MC2R: variants seen among roughly 807,000 people sequenced by gnomAD.
MC2R encodes melanocortin 2 receptor, also known as adrenocorticotropic hormone receptor.
Under a neutral mutation model 9.8 loss-of-function variants are expected in MC2R, and 9 were observed. The observed-to-expected ratio is 0.92, with a 90% CI of 0.55 to 1.60. The LOEUF (loss-of-function observed/expected upper bound fraction) is 1.60. MC2R is among the 40% of genes most tolerant of loss of function. The pLI is 0.00. For synonymous variants in MC2R, 185 were observed against 154.7 expected (o/e 1.20, Z -1.45); for missense variants, 370 against 389.0 (o/e 0.95, Z 0.41).
At chr18:13,915,301 C>CCTT (rs1294892152) in intron 1 of MC2R, among the ~76,000 whole-genome samples, 187 bp downstream of exon 1, 2 of 152,088 alleles carry the variant, frequency 1.3e-5, no homozygotes, top group Non-Finnish European at 2.9e-5. Context: ...AAGGTAATAG[C>CCTT]CTTCATTGTA....
rs2045258757 is a variant in MC2R at position 13,884,467 on chromosome 18, T to C, written c.*158A>G. Reference sequence around the variant, plus strand: ...TGCCCCTACAATAAGACTGTTCACATAGAACCTAGCTATTAGAAACACTAG... The same window carrying C: ...TGCCCCTACAATAAGACTGTTCACACAGAACCTAGCTATTAGAAACACTAG... On this transcript the variant is annotated 3_prime_UTR_variant, in exon 2 of 2. Coordinates refer to ENST00000327606, the MANE Select transcript of MC2R (RefSeq NM_000529.2). 3.8e-6 allele frequency: 3 copies of C among 795,960 alleles called. No individual in the cohort carries two copies. Among genetic ancestry groups the C allele is most frequent in the South Asian group, 3.0e-5 (2 of 67,774 alleles). The allele number at this position is 795,960 out of a possible 1,614,324, so 49.3% of individuals were successfully genotyped here.
rs934407793 is a variant in MC2R, at chr18:13,886,777, A to G, written c.-128-1131T>C. Among the ~76,000 whole-genome samples the G allele has an allele frequency of 2.6e-5, 4 of 152,222 alleles. No homozygotes were observed. The Middle Eastern group carries it at 0.01, about 388-fold the overall frequency. On this transcript the variant is annotated intron_variant, in intron 1 of 1. Transcript: ENST00000327606. ...GGAAAGCCAGCACCACGTGGCGAGG[A>G]AGACACTTCCTAGGGAGGACAAATT...
At chr18:13,891,730 C>T (rs1567897892) in intron 1 of MC2R, among the ~76,000 whole-genome samples, 1 of 152,158 alleles carries the variant, frequency 6.6e-6, no homozygotes, top group Non-Finnish European at 1.5e-5. Flanking sequence ...CACTGCCATT[C>T]CTGCAGGCTC....
chr18:13,904,388 A>C (rs2045399359), intron 1 of MC2R, among the ~76,000 whole-genome samples: 1 of 151,746 alleles, frequency 6.6e-6, no homozygotes, highest in Admixed American at 6.6e-5. Context: ...CTCAAAAAAA[A>C]AAAAAAAAAA....
At chr18:13,905,630 A>G (rs1342531240) in intron 1 of MC2R, among the ~76,000 whole-genome samples, 1 of 152,172 alleles carries the variant, frequency 6.6e-6, no homozygotes, top group Non-Finnish European at 1.5e-5. Flanking sequence ...AAATAGGAAC[A>G]CTTTTACACT....
chr18:13,903,000 G>A (rs1194479170), intron 1 of MC2R, among the ~76,000 whole-genome samples: 2 of 152,044 alleles, frequency 1.3e-5, no homozygotes, highest in Non-Finnish European at 2.9e-5. Flanking sequence ...ACAGGATAAA[G>A]TCTAATAATC....
intron 1 of MC2R, among the ~76,000 whole-genome samples, chr18:13,906,064 C>A (rs1278868693): frequency 6.6e-6 from 1 of 151,964 alleles, no homozygotes; most frequent in East Asian, 1.9e-4. Flanking sequence ...CAGAGTAAGA[C>A]CCCATCTCAA....
intron 1 of MC2R, among the ~76,000 whole-genome samples, chr18:13,910,445 C>A (rs9947398): frequency 0.064 from 9,730 of 152,178 alleles, 992 homozygotes; most frequent in African/African-American, 0.22. Context: ...CACAGAAATT[C>A]TGGAATAAGT....
chr18:13,887,300 C>T (rs1231401235), intron 1 of MC2R, among the ~76,000 whole-genome samples: 1 of 116,726 alleles, frequency 8.6e-6, no homozygotes, highest in Non-Finnish European at 1.9e-5. Context: ...TGTGCTGTGT[C>T]CCACCTGCTG....
chr18:13,906,921 A>C (rs2045417690), intron 1 of MC2R, among the ~76,000 whole-genome samples: 1 of 152,246 alleles, frequency 6.6e-6, no homozygotes, highest in African/African-American at 2.4e-5. Context: ...GGTTGGAATA[A>C]TTAATATTGT....
chr18:13,894,946 T>A, intron 1 of MC2R, among the ~76,000 whole-genome samples: 1 of 152,256 alleles, frequency 6.6e-6, no homozygotes, highest in East Asian at 1.9e-4. Flanking sequence ...TGTTCTTGGC[T>A]TGCGTGTGGC....
chr18:13,905,128 AATCT>A (rs2045405269), intron 1 of MC2R, among the ~76,000 whole-genome samples: 1 of 152,210 alleles, frequency 6.6e-6, no homozygotes, highest in South Asian at 2.1e-4. Context: ...AATTTTTTGC[AATCT>A]ATCTATCTGA....
At position 13,885,262 on chromosome 18, in the gene MC2R, A is replaced by C. The variant is rs1178663107; in HGVS notation, c.257T>G (p.Leu86Trp). The change falls in exon 2 of 2, where the codon TTG becomes TGG. Residue 86 changes from leucine to tryptophan, a missense_variant. By Grantham distance (61) the Leu-to-Trp change is moderately conservative. Transcript: ENST00000327606. ...TGGCTTGAGATAGCCCATGTTTCTCAATATGATCAGGATATTTTCCAAGAT... is the reference window on the plus strand; with the variant it reads ...TGGCTTGAGATAGCCCATGTTTCTCCATATGATCAGGATATTTTCCAAGAT... Reference protein sequence around the residue: ...YKILENILIILRNMGYLKPRG... With the variant: ...YKILENILIIWRNMGYLKPRG... 6.2e-7 allele frequency: 1 copy of C among 1,614,050 alleles called. No homozygotes were observed. The highest frequency in any genetic ancestry group is 8.5e-7 in the Non-Finnish European group (1 of 1,180,036).
intron 1 of MC2R, among the ~76,000 whole-genome samples, chr18:13,907,656 G>A (rs528913051): frequency 2.1e-4 from 32 of 152,194 alleles, no homozygotes; most frequent in African/African-American, 7.5e-4. Flanking sequence ...ATTACATAAG[G>A]AGCTCAAACA....
At chr18:13,887,042 A>C (rs2045280617) in intron 1 of MC2R, among the ~76,000 whole-genome samples, 1 of 152,216 alleles carries the variant, frequency 6.6e-6, no homozygotes, top group African/African-American at 2.4e-5. Flanking sequence ...CAGGGTTTAA[A>C]AGCCAGAAGT....
chr18:13,892,310 G>A (rs1207389239), intron 1 of MC2R, among the ~76,000 whole-genome samples: 1 of 152,060 alleles, frequency 6.6e-6, no homozygotes, highest in African/African-American at 2.4e-5. Context: ...GAGATTACTG[G>A]CTTTGACTCA....
intron 1 of MC2R, among the ~76,000 whole-genome samples, chr18:13,908,810 G>C (rs12455493): frequency 0.031 from 4,636 of 151,840 alleles, 188 homozygotes; most frequent in East Asian, 0.18. Context: ...CTGGGTGGTA[G>C]AGCTATGAGC....
At chr18:13,904,724 G>T (rs2045402790) in intron 1 of MC2R, among the ~76,000 whole-genome samples, 2 of 151,984 alleles carry the variant, frequency 1.3e-5, no homozygotes, top group African/African-American at 2.4e-5. Context: ...GCAGAACAGA[G>T]ACCTCAGAAA....
chr18:13,886,345 C>T (rs760684203), intron 1 of MC2R, among the ~76,000 whole-genome samples: 1 of 152,214 alleles, frequency 6.6e-6, no homozygotes, highest in Non-Finnish European at 1.5e-5. Context: ...TATTCTTTGC[C>T]GCCCCACTTT....
Sources: gnomAD v4.1 joint callset for allele counts (sites outside exome capture counted in the v4.1 genomes callset) on GRCh38, gnomAD v4.1.1 for gene constraint, MANE v1.5 for transcripts, NCBI Gene and HGNC (gene_info 2026-07-23, HGNC 2026-07-21) for gene names.